Variants in SOX5 observed in about 807,000 individuals in gnomAD.
The protein encoded by SOX5 is transcription factor SOX-5.
In SOX5, 9 loss-of-function variants were observed where a neutral mutation model predicts 92.0. That is an observed-to-expected ratio of 0.10 (90% CI 0.06 to 0.17). The LOEUF (loss-of-function observed/expected upper bound fraction) is 0.17. Ranked by LOEUF, SOX5 falls within the 10% of genes least tolerant of loss-of-function variation. The pLI is 1.00. For synonymous variants in SOX5, 344 were observed against 336.3 expected (o/e 1.02, Z -0.25); for missense variants, 642 against 944.5 (o/e 0.68, Z 4.20).
intron 3 of SOX5, among the ~76,000 whole-genome samples, chr12:23,807,058 G>A (rs950742128): frequency 1.3e-5 from 2 of 152,164 alleles, no homozygotes. Flanking sequence ...CTTAGTTGGA[G>A]TGCCCTATAT....
At chr12:24,369,962 C>T (rs1267954537) in intron 1 of SOX5, among the ~76,000 whole-genome samples, 1 of 152,190 alleles carries the variant, frequency 6.6e-6, no homozygotes, top group Non-Finnish European at 1.5e-5. Context: ...TAAATTATAT[C>T]CCATTGCTTA....
At chr12:23,914,938 A>G (rs1200324810) in intron 1 of SOX5, among the ~76,000 whole-genome samples, 3 of 152,122 alleles carry the variant, frequency 2.0e-5, no homozygotes, top group Non-Finnish European at 4.4e-5. Flanking sequence ...CAAAACCAAT[A>G]TTACTCATTT....
At chr12:23,846,776 A>G (rs1051151306) in intron 2 of SOX5, among the ~76,000 whole-genome samples, 3 of 152,188 alleles carry the variant, frequency 2.0e-5, no homozygotes, top group Non-Finnish European at 4.4e-5. Flanking sequence ...GTTATTTGAC[A>G]TCAGACAAGA....
chr12:23,666,298 A>G lies in SOX5; in HGVS notation c.811-734T>C, dbSNP rs558400147. ...GGACTCCTTAGACCACAGGGTCTCC[A>G]TTTTGGTTGTCATCTTTGGAATATA... On this transcript the variant is annotated intron_variant, in intron 6 of 14. Coordinates refer to ENST00000451604, the MANE Select transcript of SOX5 (RefSeq NM_006940.6). Among the ~76,000 whole-genome samples the G allele has an allele frequency of 2.0e-5, 3 of 152,170 alleles. No individual in the cohort carries two copies. The South Asian group carries it at 6.2e-4, about 32-fold the overall frequency.
At chr12:23,982,682 TTA>T (rs1194454856) in intron 4 of SOX5, among the ~76,000 whole-genome samples, 1 of 151,998 alleles carries the variant, frequency 6.6e-6, no homozygotes, top group African/African-American at 2.4e-5. Flanking sequence ...CACATATATA[TTA>T]TGTTTGTGTT....
intron 4 of SOX5, among the ~76,000 whole-genome samples, chr12:24,154,101 T>G (rs1328545472): frequency 6.6e-6 from 1 of 152,144 alleles, no homozygotes; most frequent in Non-Finnish European, 1.5e-5. Context: ...TATGAGATTC[T>G]TCTTCCTCTA....
At chr12:23,811,213 T>A (rs2095870074) in intron 3 of SOX5, among the ~76,000 whole-genome samples, 2 of 152,114 alleles carry the variant, frequency 1.3e-5, no homozygotes, top group Non-Finnish European at 2.9e-5. Context: ...TTGAGGAATA[T>A]AAAGATTATT....
chr12:24,524,201 A>G (rs1950494399), intron 1 of SOX5, among the ~76,000 whole-genome samples: 1 of 152,134 alleles, frequency 6.6e-6, no homozygotes, highest in South Asian at 2.1e-4. Context: ...TTATAACAAC[A>G]GTTTCTCTGG....
intron 4 of SOX5, among the ~76,000 whole-genome samples, chr12:24,170,505 G>A (rs531555462): frequency 1.3e-5 from 2 of 152,294 alleles, no homozygotes; most frequent in East Asian, 1.9e-4. Context: ...GACTTAAAAT[G>A]TGCCCTTAGG....
intron 1 of SOX5, among the ~76,000 whole-genome samples, chr12:24,402,181 T>C (rs765849727): frequency 6.6e-6 from 1 of 152,010 alleles, no homozygotes; most frequent in Non-Finnish European, 1.5e-5. Flanking sequence ...GACAAGAAAA[T>C]CCATTTCTAC....
chr12:24,435,602 G>A (rs1939257537), intron 1 of SOX5, among the ~76,000 whole-genome samples: 1 of 152,142 alleles, frequency 6.6e-6, no homozygotes, highest in African/African-American at 2.4e-5. Context: ...ATTTACAAAA[G>A]AAGCAAATGA....
At chr12:23,903,871 C>T (rs186041801) in intron 1 of SOX5, among the ~76,000 whole-genome samples, 119 of 152,186 alleles carry the variant, frequency 7.8e-4, no homozygotes, top group African/African-American at 2.9e-3. Context: ...GTTACTTATC[C>T]AATATGGCAA....
chr12:23,980,811 T>C (rs1949505643), intron 4 of SOX5, among the ~76,000 whole-genome samples: 2 of 152,154 alleles, frequency 1.3e-5, no homozygotes, highest in Admixed American at 1.3e-4. Context: ...CAGCAAGCTC[T>C]TCCATTGGAA....
intron 2 of SOX5, among the ~76,000 whole-genome samples, chr12:24,324,201 C>CA (rs1950466576): frequency 6.6e-6 from 1 of 151,934 alleles, no homozygotes; most frequent in African/African-American, 2.4e-5. Context: ...CAGCATTTTT[C>CA]ATAACATTAG....
intron 3 of SOX5, among the ~76,000 whole-genome samples, chr12:24,275,492 T>C (rs10842307): frequency 0.23 from 35,420 of 151,960 alleles, 4,476 homozygotes; most frequent in African/African-American, 0.32. Context: ...AAATACCAAA[T>C]ATCAAATTTT....
intron 1 of SOX5, among the ~76,000 whole-genome samples, chr12:24,424,029 C>T (rs897749892): frequency 6.6e-6 from 1 of 152,120 alleles, no homozygotes; most frequent in Non-Finnish European, 1.5e-5. Flanking sequence ...TTAATTATTC[C>T]TTTGGGTTCC....
intron 1 of SOX5, among the ~76,000 whole-genome samples, chr12:23,933,277 T>C (rs1027744646): frequency 6.6e-6 from 1 of 151,640 alleles, no homozygotes; most frequent in Non-Finnish European, 1.5e-5. Flanking sequence ...ACCCACGCTA[T>C]ATATCCTGCC....
intron 4 of SOX5, among the ~76,000 whole-genome samples, chr12:24,089,501 C>A (rs920763017): frequency 6.6e-6 from 1 of 152,078 alleles, no homozygotes; most frequent in Admixed American, 6.6e-5. Context: ...ACATGCATGT[C>A]TTTATACATT....
intron 3 of SOX5, among the ~76,000 whole-genome samples, chr12:23,803,318 C>A (rs1007133143): frequency 2.0e-5 from 3 of 152,216 alleles, no homozygotes; most frequent in Non-Finnish European, 2.9e-5. Context: ...TCAGCTCCTA[C>A]TCTTTGCTCT....
Sources: allele counts gnomAD v4.1 joint callset (sites outside exome capture counted in the v4.1 genomes callset), GRCh38; gene constraint gnomAD v4.1.1; transcripts MANE v1.5; gene names NCBI Gene and HGNC (gene_info 2026-07-23, HGNC 2026-07-21).